The following GNAL variants were observed in gnomAD, a reference collection of about 807,000 sequenced individuals.
GNAL encodes guanine nucleotide-binding protein G(olf) subunit alpha.
In GNAL, 18 loss-of-function variants were observed where a neutral mutation model predicts 55.1. The ratio of observed to expected loss-of-function variants is 0.33; its 90% CI spans 0.23 to 0.48. The LOEUF is 0.48. GNAL is among the 20% of genes least tolerant of loss of function. The pLI, the probability that GNAL is intolerant of heterozygous loss-of-function variation, is 0.99. For synonymous variants in GNAL, 253 were observed against 237.0 expected, an observed-to-expected ratio of 1.07 and a Z score of -0.62; for missense variants, 412 against 614.1, an observed-to-expected ratio of 0.67 and a Z score of 3.48.
At chr18:11,835,666 C>G (rs962565645) in intron 5 of GNAL, among the ~76,000 whole-genome samples, 1 of 152,088 alleles carries the variant, frequency 6.6e-6, no homozygotes, top group Non-Finnish European at 1.5e-5. Context: ...CATAGTAGCA[C>G]AGGTTAATAA....
intron 4 of GNAL, among the ~76,000 whole-genome samples, chr18:11,801,175 C>A (rs2034511165): frequency 6.6e-6 from 1 of 152,072 alleles, no homozygotes; most frequent in Non-Finnish European, 1.5e-5. Flanking sequence ...ACATCAGGAA[C>A]AAAACAAAAA....
chr18:11,820,230 A>G (rs1407285414), intron 4 of GNAL, among the ~76,000 whole-genome samples: 2 of 152,136 alleles, frequency 1.3e-5, no homozygotes, highest in Admixed American at 1.3e-4. Flanking sequence ...AGCTCTTCTT[A>G]TATCTGTTGT....
At chr18:11,746,927 A>G in intron 1 of GNAL, 1 of 537,982 alleles carries the variant, frequency 1.9e-6, no homozygotes, top group Non-Finnish European at 3.8e-6. Context: ...AACTTAGGAC[A>G]TTACAACAGT....
At chr18:11,862,559 A>G in intron 6 of GNAL, 110 bp downstream of exon 6, 1 of 929,704 alleles carries the variant, frequency 1.1e-6, no homozygotes. Context: ...TAAGATACCT[A>G]CTTTTTGCAA....
At chr18:11,712,265 C>T (rs2143366677) in intron 1 of GNAL, among the ~76,000 whole-genome samples, 1 of 152,262 alleles carries the variant, frequency 6.6e-6, no homozygotes, top group Non-Finnish European at 1.5e-5. Flanking sequence ...GATATTAATT[C>T]CACTCTCTCG....
intron 4 of GNAL, among the ~76,000 whole-genome samples, chr18:11,795,245 C>T (rs1323975962): frequency 2.0e-5 from 3 of 151,908 alleles, no homozygotes; most frequent in African/African-American, 4.8e-5. Flanking sequence ...ACAAAAATTA[C>T]AATAAATTAA....
intron 1 of GNAL, among the ~76,000 whole-genome samples, chr18:11,695,052 G>C (rs952750676): frequency 6.6e-6 from 1 of 152,134 alleles, no homozygotes; most frequent in East Asian, 1.9e-4. Flanking sequence ...CAGTCATGTG[G>C]GGGGTTAGGG....
At chr18:11,747,158 G>GT in intron 1 of GNAL, 1 of 391,114 alleles carries the variant, frequency 2.6e-6, no homozygotes, top group Non-Finnish European at 5.0e-6. Context: ...TGAGAGTCTG[G>GT]TTTCTGCATC....
At chr18:11,869,086 A>G (rs575819991) in intron 9 of GNAL, among the ~76,000 whole-genome samples, 1 of 152,262 alleles carries the variant, frequency 6.6e-6, no homozygotes, top group Non-Finnish European at 1.5e-5. Flanking sequence ...CGTACGAAGT[A>G]TCTCTTTTAG....
intron 4 of GNAL, among the ~76,000 whole-genome samples, chr18:11,770,966 G>A (rs1004630794): frequency 1.6e-4 from 25 of 152,058 alleles, no homozygotes; most frequent in African/African-American, 6.0e-4. Context: ...TGTAATCCCA[G>A]CACTTAGGGA....
Position 11,752,922 on chromosome 18 carries a change from C to G in GNAL, c.446C>G (p.Pro149Arg). Residue 149 changes from proline to arginine, a missense_variant, in exon 2 of 12, where the codon CCC becomes CGC. Physicochemically the swap from Pro to Arg is moderately radical, Grantham distance 103. Coordinates refer to ENST00000334049, the MANE Select transcript of GNAL (RefSeq NM_182978.4). The surrounding 1 kb of genome is among the most constrained non-coding windows in gnomAD (Gnocchi z 4.5). ...MRILHVNGFN[P>R]EEKKQKILDI... ...ATCCTGCACGTCAATGGGTTTAATC[C>G]CGAGTAAGAATGTTCAGTTTGCTTC... The G allele has an allele frequency of 1.3e-6, 2 of 1,587,990 alleles. No homozygotes were observed. The highest frequency in any genetic ancestry group is 1.7e-6 in the Non-Finnish European group (2 of 1,156,674).
intron 4 of GNAL, among the ~76,000 whole-genome samples, chr18:11,796,272 A>G (rs767452147): frequency 1.2e-4 from 19 of 152,182 alleles, no homozygotes; most frequent in Non-Finnish European, 2.6e-4. Context: ...AAGTGCAACA[A>G]AGGAAGATAA....
chr18:11,853,072 G>A (rs1250784006), intron 5 of GNAL: 1 of 167,096 alleles, frequency 6.0e-6, no homozygotes, highest in Non-Finnish European at 1.5e-5. Flanking sequence ...GTGTGTGTAG[G>A]TTTTGTTTTG....
At chr18:11,763,736 TAGC>T (rs2033317460) in intron 4 of GNAL, among the ~76,000 whole-genome samples, 1 of 152,192 alleles carries the variant, frequency 6.6e-6, no homozygotes, top group Admixed American at 6.5e-5. Flanking sequence ...AATGAAATAA[TAGC>T]AGTAACAATA....
At chr18:11,861,235 GC>G (rs562027326) in intron 5 of GNAL, among the ~76,000 whole-genome samples, 79 of 151,964 alleles carry the variant, frequency 5.2e-4, no homozygotes, top group East Asian at 2.1e-3. Context: ...GAGAGCCTGG[GC>G]CCCCCCGACC....
chr18:11,815,361 CAT>C (rs35501179), intron 4 of GNAL, among the ~76,000 whole-genome samples: 86,301 of 151,888 alleles, frequency 0.57, 27,711 homozygotes, highest in Admixed American at 0.73. Context: ...TTAATTGACT[CAT>C]AGTTCTGCAG....
At chr18:11,842,638 C>T (rs1429409946) in intron 5 of GNAL, among the ~76,000 whole-genome samples, 2 of 151,948 alleles carry the variant, frequency 1.3e-5, no homozygotes, top group Non-Finnish European at 1.5e-5. Context: ...CAATAGGGTT[C>T]GTGCTCCTAT....
At chr18:11,786,945 A>G (rs978402096) in intron 4 of GNAL, among the ~76,000 whole-genome samples, 2 of 152,014 alleles carry the variant, frequency 1.3e-5, no homozygotes, top group African/African-American at 4.8e-5. Context: ...TAAGAGGGCT[A>G]TTGGAAAGGT....
intron 5 of GNAL, among the ~76,000 whole-genome samples, chr18:11,829,325 T>A (rs972681653): frequency 5.2e-5 from 7 of 134,258 alleles, no homozygotes; most frequent in African/African-American, 2.2e-4. Context: ...ACAGGAATCA[T>A]GTGGAGCAAT....
Sources: gnomAD v4.1 joint callset for allele counts (sites outside exome capture counted in the v4.1 genomes callset) on GRCh38, gnomAD v4.1.1 for gene constraint, Gnocchi (gnomAD v3.1) non-coding constraint, MANE v1.5 for transcripts, NCBI Gene and HGNC (gene_info 2026-07-23, HGNC 2026-07-21) for gene names.